Variants in PAQR5 observed in about 807,000 individuals in gnomAD.
PAQR5 encodes progestin and adipoQ receptor family member 5, also known as membrane progestin receptor gamma.
A neutral mutation model predicts 34.5 loss-of-function variants in PAQR5; 20 were observed. That is an observed-to-expected ratio of 0.58 (90% CI 0.41 to 0.84). PAQR5 has a LOEUF of 0.84. Among genes scored for constraint, PAQR5 ranks in the 40% least tolerant of loss-of-function variants. The pLI, the probability that PAQR5 is intolerant of heterozygous loss-of-function variation, is 0.00. For missense variants in PAQR5, 378 were observed against 412.7 expected, an observed-to-expected ratio of 0.92 and a Z score of 0.73; for synonymous variants, 131 against 155.6, an observed-to-expected ratio of 0.84 and a Z score of 1.18.
At chr15:69,304,596 G>A (rs12904034) in intron 1 of PAQR5, among the ~76,000 whole-genome samples, 69,480 of 151,890 alleles carry the variant, frequency 0.46, 18,825 homozygotes, top group Middle Eastern at 0.62. Flanking sequence ...CCTGTCCTCC[G>A]ATCCAGGTTT....
At chr15:69,309,655 T>C (rs966280790) in intron 1 of PAQR5, among the ~76,000 whole-genome samples, 1 of 152,170 alleles carries the variant, frequency 6.6e-6, no homozygotes, top group Non-Finnish European at 1.5e-5. Context: ...CGTATACAGA[T>C]TATTTCCCCC....
intron 6 of PAQR5, chr15:69,391,653 C>G: frequency 2.2e-6 from 1 of 456,024 alleles, no homozygotes. Flanking sequence ...CTGGTTCGCT[C>G]TCCTAGGGCT....
In PAQR5 at chr15:69,300,691, C is replaced by T. The variant is rs1242467142; in HGVS notation, c.-277+1635C>T. The stretch of plus-strand genomic sequence containing the variant: ...CATTCTTTCTCTTCCTTCCTCCCTC[C>T]CTCTCTCTCTCTCTTTCTTTCTTTC... On this transcript the variant is annotated intron_variant, in intron 1 of 8. Transcript: ENST00000395407. 1.3e-3 allele frequency among the ~76,000 whole-genome samples: 5 copies of T among 3,708 alleles called. 1 individual carries two copies. Among genetic ancestry groups the T allele is most frequent in the Admixed American group, 0.011 (2 of 182 alleles). The allele number at this position is 3,708 out of a possible 152,430, so 2.4% of individuals were successfully genotyped here. A position where few individuals can be genotyped will look rare whatever the true frequency, so the allele number is the denominator to read the frequency against.
intron 3 of PAQR5, among the ~76,000 whole-genome samples, chr15:69,361,140 G>A (rs76970497): frequency 6.6e-6 from 1 of 152,172 alleles, no homozygotes; most frequent in Non-Finnish European, 1.5e-5. Context: ...ACCTGCCTCT[G>A]TTCTCACAGG....
Position 69,384,830 on chromosome 15 carries a change from C to A in PAQR5, c.333C>A (p.Ala111=), listed in dbSNP as rs1567034848. ...AHTFSSMSKN[A]RHICYFLDYG... ...CCTTCAGCTCTATGTCCAAGAATGC[C>A]CGGCACATTTGCTACTTCCTGGACT... is the stretch of plus-strand genomic sequence containing the variant. Residue 111 remains alanine, a synonymous_variant, in exon 5 of 9, where the codon GCC becomes GCA. Transcript: ENST00000395407. 1 of 1,614,130 alleles carries A rather than the reference C, an allele frequency of 6.2e-7. No individual in the cohort carries two copies. The highest frequency in any genetic ancestry group is 8.5e-7 in the Non-Finnish European group (1 of 1,179,996).
chr15:69,314,378 T>C (rs962990168), intron 1 of PAQR5: 2 of 152,186 alleles, frequency 1.3e-5, no homozygotes, highest in African/African-American at 4.8e-5. Context: ...AGATGCCCAG[T>C]TGCTGGAACA....
chr15:69,328,761 G>T (rs2054310417), intron 1 of PAQR5, among the ~76,000 whole-genome samples: 1 of 152,174 alleles, frequency 6.6e-6, no homozygotes, highest in African/African-American at 2.4e-5. Flanking sequence ...CATCCCCCTG[G>T]GTCTGCAGAT....
chr15:69,373,421 C>A (rs1172559875), intron 3 of PAQR5, among the ~76,000 whole-genome samples: 1 of 152,096 alleles, frequency 6.6e-6, no homozygotes, highest in African/African-American at 2.4e-5. Context: ...AAATCAATGC[C>A]TAAAACTGAA....
chr15:69,390,320 T>TTTTATTTATTTA lies in PAQR5; in HGVS notation c.512+572_512+583dup, dbSNP rs201330461. 7.7e-4 allele frequency among the ~76,000 whole-genome samples: 103 copies of TTTTATTTATTTA among 133,440 alleles called. 1 individual carries two copies. The highest frequency in any genetic ancestry group is 2.5e-3 in the African/African-American group (92 of 37,060). 87.5% of individuals were successfully genotyped at this position (133,440 alleles called of 152,430 possible). A position where few individuals can be genotyped will look rare whatever the true frequency, so the allele number is the denominator to read the frequency against. ...CGTGAGCCATGGTGCCTGACCTGTT[T>TTTTATTTATTTA]TTTATTTATTTATTTATTTATTTAT... On this transcript the variant is annotated intron_variant, in intron 6 of 8. Transcript: ENST00000395407.
At chr15:69,362,435 C>T (rs996293657) in intron 3 of PAQR5, among the ~76,000 whole-genome samples, 2 of 152,152 alleles carry the variant, frequency 1.3e-5, no homozygotes, top group Non-Finnish European at 2.9e-5. Context: ...GGGGCAAAGA[C>T]ATTTATTAGT....
chr15:69,382,734 G>A (rs4776442), intron 4 of PAQR5: 1 of 131,556 alleles, frequency 7.6e-6, no homozygotes, highest in Admixed American at 7.6e-5. Context: ...ATGTATATGT[G>A]TATATATATA....
chr15:69,325,703 C>T (rs1466865253), intron 1 of PAQR5, among the ~76,000 whole-genome samples: 1 of 152,150 alleles, frequency 6.6e-6, no homozygotes, highest in East Asian at 1.9e-4. Context: ...CTACATTAAC[C>T]CAAGCAGCCT....
chr15:69,386,240 C>G (rs1172491671), intron 5 of PAQR5, among the ~76,000 whole-genome samples: 3 of 151,328 alleles, frequency 2.0e-5, no homozygotes, highest in Non-Finnish European at 4.4e-5. Flanking sequence ...ACATCACACA[C>G]ACACACCACA....
At chr15:69,355,324 CTTTCTTTCTTTCT>C in intron 2 of PAQR5, among the ~76,000 whole-genome samples, 1 of 38,930 alleles carries the variant, frequency 2.6e-5, no homozygotes, top group South Asian at 8.7e-4. Context: ...TTCTTTCTTT[CTTTCTTTCTTTCT>C]TTCTTTTTTT....
At chr15:69,391,830 G>T (rs895851477) in intron 6 of PAQR5, 1 of 393,368 alleles carries the variant, frequency 2.5e-6, no homozygotes, top group Non-Finnish European at 5.1e-6. Flanking sequence ...CGCCAGGTGG[G>T]TGGATCACCT....
chr15:69,358,633 A>ATTTTTTTTTTTTTTTTTTT lies in PAQR5; in HGVS notation c.-115-1317_-115-1316insTTTTTTTTTTTTTTTTTTT, dbSNP rs71149910. On this transcript the variant is annotated intron_variant, in intron 2 of 8. Transcript: ENST00000395407. ...GCCCTTTTCTTTTCAGCTCTGTGGC[A>ATTTTTTTTTTTTTTTTTTT]TTTTTTTTTTTTTTTTGAGACAGAT... Among the ~76,000 whole-genome samples the ATTTTTTTTTTTTTTTTTTT allele has an allele frequency of 4.7e-5, 4 of 84,466 alleles. 1 individual carries two copies. The highest frequency in any genetic ancestry group is 4.2e-4 in the East Asian group (1 of 2,400). 55.4% of individuals were successfully genotyped at this position (84,466 alleles called of 152,430 possible). A position where few individuals can be genotyped will look rare whatever the true frequency, so the allele number is the denominator to read the frequency against.
intron 6 of PAQR5, among the ~76,000 whole-genome samples, chr15:69,390,320 T>TTTTA (rs201330461): frequency 0.025 from 3,323 of 133,408 alleles, 126 homozygotes; most frequent in African/African-American, 0.067. Context: ...CTGACCTGTT[T>TTTTA]TTTATTTATT....
At chr15:69,324,940 C>T (rs1453250116) in intron 1 of PAQR5, among the ~76,000 whole-genome samples, 1 of 151,446 alleles carries the variant, frequency 6.6e-6, no homozygotes, top group Non-Finnish European at 1.5e-5. Flanking sequence ...GCTCTGTTGC[C>T]CAGGCTGGAG....
chr15:69,379,015 C>T (rs995524593), intron 3 of PAQR5, among the ~76,000 whole-genome samples: 1 of 152,202 alleles, frequency 6.6e-6, no homozygotes, highest in Non-Finnish European at 1.5e-5. Context: ...AATCCTGCTA[C>T]CTCAACAAAT....
Sources: allele counts gnomAD v4.1 joint callset (sites outside exome capture counted in the v4.1 genomes callset), GRCh38; gene constraint gnomAD v4.1.1; transcripts MANE v1.5; gene names NCBI Gene and HGNC (gene_info 2026-07-23, HGNC 2026-07-21).